The following GRIA1 variants were observed in gnomAD, a reference collection of about 807,000 sequenced individuals.
GRIA1 encodes glutamate ionotropic receptor AMPA type subunit 1, also known as glutamate receptor 1.
In GRIA1, 31 loss-of-function variants were observed where a neutral mutation model predicts 99.2. The ratio of observed to expected loss-of-function variants is 0.31; its 90% CI spans 0.23 to 0.42. GRIA1 has a LOEUF of 0.42. GRIA1 is among the 10% of genes least tolerant of loss of function. GRIA1 has a pLI of 1.00. For synonymous variants in GRIA1, 438 were observed against 432.4 expected, an observed-to-expected ratio of 1.01 and a Z score of -0.16; for missense variants, 782 against 1,157.5, an observed-to-expected ratio of 0.68 and a Z score of 4.71.
chr5:153,738,753 G>A (rs1438063101), intron 11 of GRIA1, among the ~76,000 whole-genome samples: 3 of 110,500 alleles, frequency 2.7e-5, no homozygotes, highest in African/African-American at 7.4e-5. Flanking sequence ...AAGGCATTTC[G>A]CTCTTGTTGC....
rs1041610106 is a variant in GRIA1, at chr5:153,635,044, T to C, written c.221-11884T>C. ...TAGGGCACCCTCGGGCTGTCCTCTGTAGCTTTCAGTAAAGCTTTGTCTTGA... is the reference window on the plus strand; with the variant it reads ...TAGGGCACCCTCGGGCTGTCCTCTGCAGCTTTCAGTAAAGCTTTGTCTTGA... On this transcript the variant is annotated intron_variant, in intron 2 of 15. Coordinates refer to ENST00000285900, the MANE Select transcript of GRIA1 (RefSeq NM_000827.4). Among the ~76,000 whole-genome samples the C allele has an allele frequency of 2.0e-5, 3 of 152,374 alleles. No homozygotes were observed. The East Asian group carries it at 5.8e-4, about 29-fold the overall frequency.
intron 2 of GRIA1, among the ~76,000 whole-genome samples, chr5:153,577,022 A>G (rs1762605721): frequency 8.6e-6 from 1 of 116,096 alleles, no homozygotes; most frequent in African/African-American, 3.0e-5. Flanking sequence ...GGATGGATGG[A>G]TAAGTGGGTA....
At chr5:153,768,587 C>G (rs1353377527) in intron 12 of GRIA1, among the ~76,000 whole-genome samples, 1 of 152,092 alleles carries the variant, frequency 6.6e-6, no homozygotes, top group Non-Finnish European at 1.5e-5. Flanking sequence ...CCCTCAAGAT[C>G]TATGATTTTC....
At chr5:153,490,579 G>A (rs1753822453), upstream of GRIA1, 1 of 452,472 alleles carries the variant, frequency 2.2e-6, no homozygotes, top group South Asian at 2.2e-5. Flanking sequence ...AGCAAGGGAG[G>A]GAGAGAGAGG....
chr5:153,805,379 G>C (rs907677693), intron 15 of GRIA1, among the ~76,000 whole-genome samples: 1 of 152,180 alleles, frequency 6.6e-6, no homozygotes. Context: ...TAAAATTAAT[G>C]TGAAATTGTA....
chr5:153,607,216 C>G lies in GRIA1; in HGVS notation c.221-39712C>G, dbSNP rs1456905527. Among the ~76,000 whole-genome samples, 3 of 151,672 alleles carry G rather than the reference C, an allele frequency of 2.0e-5. No individual in the cohort carries two copies. The South Asian group carries it at 6.2e-4, about 31-fold the overall frequency. Reference sequence around the variant, plus strand: ...GTTTTCCTCTGGGTAGATTTATAATCTCACCTTCTATACTATTGACATTGG... The same window carrying G: ...GTTTTCCTCTGGGTAGATTTATAATGTCACCTTCTATACTATTGACATTGG... On this transcript the variant is annotated intron_variant, in intron 2 of 15. Coordinates refer to ENST00000285900, the MANE Select transcript of GRIA1 (RefSeq NM_000827.4).
intron 8 of GRIA1, among the ~76,000 whole-genome samples, chr5:153,689,331 G>A (rs188828504): frequency 2.0e-5 from 3 of 152,290 alleles, no homozygotes; most frequent in Middle Eastern, 3.4e-3. Context: ...ATAGACCTGG[G>A]CTTTTCCTCA....
At chr5:153,670,823 C>T (rs1756111111) in intron 5 of GRIA1, among the ~76,000 whole-genome samples, 1 of 152,038 alleles carries the variant, frequency 6.6e-6, no homozygotes, top group African/African-American at 2.4e-5. Context: ...CCTTCTTAGT[C>T]AAGAACACAG....
chr5:153,785,781 G>A (rs936870668), intron 13 of GRIA1, among the ~76,000 whole-genome samples: 1 of 152,164 alleles, frequency 6.6e-6, no homozygotes, highest in Non-Finnish European at 1.5e-5. Context: ...ACAAACAGTT[G>A]TCCCATGAAC....
intron 14 of GRIA1, among the ~76,000 whole-genome samples, 162 bp downstream of exon 14, chr5:153,794,897 C>T (rs1765548644): frequency 6.6e-6 from 1 of 152,152 alleles, no homozygotes; most frequent in East Asian, 1.9e-4. Flanking sequence ...TAGCATCAAA[C>T]TATCCTCTAC....
At chr5:153,525,528 A>G (rs1320478406) in intron 2 of GRIA1, 2 of 152,172 alleles carry the variant, frequency 1.3e-5, no homozygotes, top group African/African-American at 4.8e-5. Context: ...AAATTAAAAA[A>G]AAAAACCACC....
intron 2 of GRIA1, among the ~76,000 whole-genome samples, chr5:153,501,574 C>T (rs1755016354): frequency 6.6e-6 from 1 of 152,114 alleles, no homozygotes; most frequent in Non-Finnish European, 1.5e-5. Flanking sequence ...AGAGAAGTGC[C>T]GTGTTTAGAT....
At chr5:153,763,667 A>G (rs1763326800) in intron 11 of GRIA1, among the ~76,000 whole-genome samples, 1 of 152,252 alleles carries the variant, frequency 6.6e-6, no homozygotes, top group Admixed American at 6.5e-5. Context: ...GATCAGAGAG[A>G]TAACAGTGGA....
chr5:153,642,044 C>T (rs1753810241), intron 2 of GRIA1, among the ~76,000 whole-genome samples: 1 of 152,182 alleles, frequency 6.6e-6, no homozygotes, highest in Non-Finnish European at 1.5e-5. Context: ...TGTGTATAGA[C>T]TTCCCAGGGA....
chr5:153,796,495 G>T (rs781559444), intron 14 of GRIA1, among the ~76,000 whole-genome samples: 1 of 152,150 alleles, frequency 6.6e-6, no homozygotes, highest in Non-Finnish European at 1.5e-5. Flanking sequence ...ACAACTGAGG[G>T]CTGCTGCTTC....
chr5:153,709,083 C>T (rs1374112417), intron 11 of GRIA1, among the ~76,000 whole-genome samples: 3 of 152,124 alleles, frequency 2.0e-5, no homozygotes, highest in East Asian at 1.9e-4. Flanking sequence ...CACAAGGATG[C>T]TAAGACAATG....
intron 2 of GRIA1, among the ~76,000 whole-genome samples, chr5:153,575,753 G>A (rs140265874): frequency 6.6e-6 from 1 of 152,202 alleles, no homozygotes; most frequent in Non-Finnish European, 1.5e-5. Flanking sequence ...CCCCAAAAGA[G>A]TTGTAGGTGC....
At chr5:153,556,351 C>T (rs897987166) in intron 2 of GRIA1, among the ~76,000 whole-genome samples, 20 of 152,102 alleles carry the variant, frequency 1.3e-4, no homozygotes, top group African/African-American at 2.4e-4. Context: ...TCCCTGCAGC[C>T]GACTTAATAT....
At chr5:153,685,579 TA>T (rs1463033071) in intron 7 of GRIA1, among the ~76,000 whole-genome samples, 1 of 152,200 alleles carries the variant, frequency 6.6e-6, no homozygotes, top group East Asian at 1.9e-4. Flanking sequence ...AGTTATCATT[TA>T]AGATAAAAAA....
Sources: gnomAD v4.1 joint callset for allele counts (sites outside exome capture counted in the v4.1 genomes callset) on GRCh38, gnomAD v4.1.1 for gene constraint, MANE v1.5 for transcripts, NCBI Gene and HGNC (gene_info 2026-07-23, HGNC 2026-07-21) for gene names.